Variants in ARHGAP39 observed in about 807,000 individuals in gnomAD.
ARHGAP39 encodes Rho GTPase activating protein 39.
A neutral mutation model predicts 106.9 loss-of-function variants in ARHGAP39; 44 were observed. That is an observed-to-expected ratio of 0.41 (90% confidence interval 0.32 to 0.53). The LOEUF is 0.53. Ranked by LOEUF, ARHGAP39 falls within the 20% of genes least tolerant of loss-of-function variation. ARHGAP39 has a pLI of 0.21. For synonymous variants in ARHGAP39, 768 were observed against 693.2 expected, an observed-to-expected ratio of 1.11 and a Z score of -1.69; for missense variants, 1,496 against 1,577.3, an observed-to-expected ratio of 0.95 and a Z score of 0.87.
rs951148717 is a variant in ARHGAP39, at chr8:144,530,127, G to A, written c.*295C>T. 1.0e-4 allele frequency: 45 copies of A among 432,342 alleles called. No individual in the cohort carries two copies. The highest frequency in any genetic ancestry group is 1.4e-4 in the Non-Finnish European group (34 of 241,070). 26.8% of individuals were successfully genotyped at this position (432,342 alleles called of 1,614,324 possible). A position where few individuals can be genotyped will look rare whatever the true frequency, so the allele number is the denominator to read the frequency against. On this transcript the variant is annotated 3_prime_UTR_variant, in exon 12 of 12. Coordinates refer to ENST00000377307, the MANE Select transcript of ARHGAP39 (RefSeq NM_025251.3). Reference sequence around the variant, plus strand: ...AGGAGGCAGCGTCGCTCGGCTCCAGGACACAGAAGGCACTTTCTCGGAGCT... The same window carrying A: ...AGGAGGCAGCGTCGCTCGGCTCCAGAACACAGAAGGCACTTTCTCGGAGCT...
intron 1 of ARHGAP39, among the ~76,000 whole-genome samples, chr8:144,633,423 C>T (rs1014432020): frequency 1.3e-4 from 20 of 152,088 alleles, no homozygotes; most frequent in African/African-American, 4.6e-4. Context: ...CATGCCACTG[C>T]ACTCCAGCCT....
rs1818966399 is a variant in ARHGAP39 at position 144,581,017 on chromosome 8, T to A, written c.341A>T (p.Glu114Val). The A allele has an allele frequency of 3.8e-6, 6 of 1,588,986 alleles. No homozygotes were observed. Among genetic ancestry groups the A allele is most frequent in the Non-Finnish European group, 4.3e-6 (5 of 1,168,146 alleles). ...AKLQTLKQNT[E>V]SPRASAESSP... ...GCTCTCCGCCGAGGCGCGCGGGGACTCCGTGTTCTGCTTCAGCGTCTGCAG... is the reference window on the plus strand; with the variant it reads ...GCTCTCCGCCGAGGCGCGCGGGGACACCGTGTTCTGCTTCAGCGTCTGCAG... The change falls in exon 3 of 12, where the codon GAG becomes GTG. Residue 114 changes from glutamate (E) to valine (V), a missense_variant. Glu to Val is a moderately radical substitution (Grantham distance 121). Coordinates refer to ENST00000377307, the MANE Select transcript of ARHGAP39 (RefSeq NM_025251.3).
intron 4 of ARHGAP39, among the ~76,000 whole-genome samples, chr8:144,551,846 T>C (rs1817704345): frequency 6.6e-6 from 1 of 152,210 alleles, no homozygotes; most frequent in Non-Finnish European, 1.5e-5. Flanking sequence ...GGGCCATGTC[T>C]GTCCTTTCAG....
chr8:144,545,607 G>A lies in ARHGAP39; in HGVS notation c.2163C>T (p.Ala721=), dbSNP rs563574001. ...RRKVSIANML[A]WSSESIKKPM... ...GCTTCTTGATGGACTCGCTGCTCCA[G>A]GCCAGCATGTTGGCGATGGACACCT... The change falls in exon 6 of 12, where the codon GCC becomes GCT. Residue 721 remains alanine (A), a synonymous_variant. Coordinates refer to ENST00000377307, the MANE Select transcript of ARHGAP39 (RefSeq NM_025251.3). The A allele has an allele frequency of 1.1e-5, 17 of 1,613,788 alleles. No homozygotes were observed. In the South Asian group the frequency reaches 1.5e-4, roughly 15 times the overall value.
intron 1 of ARHGAP39, among the ~76,000 whole-genome samples, chr8:144,621,886 A>G (rs571656242): frequency 6.6e-6 from 1 of 152,262 alleles, no homozygotes; most frequent in African/African-American, 2.4e-5. Context: ...AGTTTCAGGC[A>G]AACAAGATGT....
chr8:144,657,961 C>T (rs1709237940), intron 1 of ARHGAP39, among the ~76,000 whole-genome samples: 1 of 152,006 alleles, frequency 6.6e-6, no homozygotes, highest in African/African-American at 2.4e-5. Context: ...AACAATATAA[C>T]AATAAAAGAT....
intron 2 of ARHGAP39, among the ~76,000 whole-genome samples, chr8:144,603,288 C>T (rs905899574): frequency 2.7e-5 from 4 of 148,600 alleles, no homozygotes; most frequent in South Asian, 2.1e-4. Flanking sequence ...GGTGTGTGTG[C>T]GTGCTCGTGT....
intron 2 of ARHGAP39, among the ~76,000 whole-genome samples, chr8:144,600,660 G>A (rs1309542749): frequency 2.5e-4 from 37 of 148,952 alleles, no homozygotes; most frequent in African/African-American, 3.0e-4. Flanking sequence ...GGAGGTGTGC[G>A]TGCACACTTG....
chr8:144,544,949 C>T (rs1242848396), intron 6 of ARHGAP39, among the ~76,000 whole-genome samples: 1 of 152,260 alleles, frequency 6.6e-6, no homozygotes, highest in Admixed American at 6.5e-5. Flanking sequence ...CGTGCCTGCC[C>T]TTGTCAGGGA....
At chr8:144,687,006 T>C (rs145922621), upstream of ARHGAP39, among the ~76,000 whole-genome samples, 2,465 of 20,210 alleles carry the variant, frequency 0.12, 179 homozygotes, top group Non-Finnish European at 0.15. Context: ...GCGGCGACCA[T>C]TTCCCACCCC....
At chr8:144,575,873 A>G (rs181243869) in intron 3 of ARHGAP39, among the ~76,000 whole-genome samples, 2 of 152,340 alleles carry the variant, frequency 1.3e-5, no homozygotes, top group East Asian at 3.9e-4. Flanking sequence ...GGTGTTGCAC[A>G]CAACCATGGT....
chr8:144,586,921 T>C lies in ARHGAP39; in HGVS notation c.81-5644A>G, dbSNP rs1819203291. Among the ~76,000 whole-genome samples, 3 of 152,226 alleles carry C rather than the reference T, an allele frequency of 2.0e-5. 1 individual carries two copies. The highest frequency in any genetic ancestry group is 2.0e-4 in the Admixed American group (3 of 15,284). On this transcript the variant is annotated intron_variant, in intron 2 of 11. Coordinates refer to ENST00000377307, the MANE Select transcript of ARHGAP39 (RefSeq NM_025251.3). The surrounding 1 kb of genome is among the most constrained non-coding windows in gnomAD (Gnocchi z 4.2). ...ACCCAAATCTCCTCCTGAGTTGTAG[T>C]TCCCACAACCCCCAAGTGTAGTGGG...
chr8:144,572,788 AC>A (rs1818630902), intron 3 of ARHGAP39, among the ~76,000 whole-genome samples: 1 of 152,256 alleles, frequency 6.6e-6, no homozygotes, highest in East Asian at 1.9e-4. Flanking sequence ...CAAGAAAAAA[AC>A]AACCCCATCA....
chr8:144,603,851 T>C (rs1820176948), intron 2 of ARHGAP39, among the ~76,000 whole-genome samples: 4 of 152,056 alleles, frequency 2.6e-5, no homozygotes, highest in Admixed American at 2.0e-4. Flanking sequence ...AGGGCAGCTG[T>C]GCCAGGAGGA....
At chr8:144,581,453 G>C (rs1818987852) in intron 2 of ARHGAP39, among the ~76,000 whole-genome samples, 176 bp from the exon 3 acceptor site, 1 of 152,240 alleles carries the variant, frequency 6.6e-6, no homozygotes, top group African/African-American at 2.4e-5. Context: ...CCCGCAACCG[G>C]GGAAGCCCCC....
At position 144,671,976 on chromosome 8, in the gene ARHGAP39, C is replaced by A. The variant is rs1026159884; in HGVS notation, c.-82+13710G>T. 2.0e-5 allele frequency among the ~76,000 whole-genome samples: 3 copies of A among 152,254 alleles called. No homozygotes were observed. The highest frequency in any genetic ancestry group is 2.0e-4 in the Admixed American group (3 of 15,288). ...CAGGCTCCGCCCAAGTGAGGCTCAT[C>A]CTGGGCCCCAGTGGCCTTGGGCAGA... On this transcript the variant is annotated intron_variant, in intron 1 of 11. Coordinates refer to ENST00000377307, the MANE Select transcript of ARHGAP39 (RefSeq NM_025251.3). The surrounding 1 kb of genome is among the most constrained non-coding windows in gnomAD (Gnocchi z 4.5).
intron 1 of ARHGAP39, among the ~76,000 whole-genome samples, chr8:144,650,304 C>A (rs1821543047): frequency 6.6e-6 from 1 of 152,082 alleles, no homozygotes; most frequent in South Asian, 2.1e-4. Context: ...GGATTCACAG[C>A]CAAATTCTAC....
chr8:144,617,138 C>T (rs534267946), intron 1 of ARHGAP39, among the ~76,000 whole-genome samples: 2 of 151,264 alleles, frequency 1.3e-5, no homozygotes, highest in African/African-American at 2.4e-5. Flanking sequence ...ACTAGGGAGG[C>T]GGAGGTTGCA....
In ARHGAP39 at chr8:144,547,791, C is replaced by A. The variant is rs757141091; in HGVS notation, c.1295G>T (p.Ser432Ile). The stretch of plus-strand genomic sequence containing the variant: ...GCGCTGGTCCCTCAGCAGGCAGGGG[C>A]TGGGCTGCAAGGAGTACGAACCACC... Reference protein sequence around the residue: ...PGGGSYSLQPSPCLLRDQRLG... With the variant: ...PGGGSYSLQPIPCLLRDQRLG... The change falls in exon 5 of 12, where the codon AGC becomes ATC. Residue 432 changes from serine to isoleucine, a missense_variant. Ser to Ile is a moderately radical substitution (Grantham distance 142). This residue lies in a region of ARHGAP39 where 905 missense variants were observed against 816.4 expected (regional missense o/e 1.11). Coordinates refer to ENST00000377307, the MANE Select transcript of ARHGAP39 (RefSeq NM_025251.3). The surrounding 1 kb of genome is among the most constrained non-coding windows in gnomAD (Gnocchi z 5.2). 1 of 1,596,278 alleles carries A rather than the reference C, an allele frequency of 6.3e-7. No individual in the cohort carries two copies. The highest frequency in any genetic ancestry group is 1.1e-5 in the South Asian group (1 of 89,464).
Sources: gnomAD v4.1 joint callset for allele counts (sites outside exome capture counted in the v4.1 genomes callset) on GRCh38, gnomAD v4.1.1 for gene constraint, gnomAD v4.1.1 regional missense constraint, Gnocchi (gnomAD v3.1) non-coding constraint, MANE v1.5 for transcripts, NCBI Gene and HGNC (gene_info 2026-07-23, HGNC 2026-07-21) for gene names.